Variants in LRBA observed in about 807,000 individuals in gnomAD.
The protein encoded by LRBA is lipopolysaccharide-responsive and beige-like anchor protein.
Under a neutral mutation model 330.0 loss-of-function variants are expected in LRBA, and 176 were observed. The observed-to-expected ratio is 0.53, with a 90% CI of 0.47 to 0.60. The LOEUF (loss-of-function observed/expected upper bound fraction) is 0.60. Ranked by LOEUF, LRBA falls within the 20% of genes least tolerant of loss-of-function variation. The pLI is 0.00. For missense variants in LRBA, 3,259 were observed against 3,444.8 expected (o/e 0.95, Z 1.35); for synonymous variants, 1,230 against 1,193.0 (o/e 1.03, Z -0.64).
intron 2 of LRBA, chr4:151,013,607 C>T (rs1745097204): frequency 6.6e-6 from 1 of 152,150 alleles, no homozygotes; most frequent in Admixed American, 6.5e-5. Flanking sequence ...ATGCCTATAG[C>T]CACAACTACT....
chr4:150,541,895 A>G (rs528327218), intron 40 of LRBA, among the ~76,000 whole-genome samples: 4 of 152,102 alleles, frequency 2.6e-5, no homozygotes, highest in African/African-American at 9.7e-5. Flanking sequence ...ATGTTGCCCA[A>G]CCTGGTCTTG....
chr4:150,617,469 C>T (rs1235692817), intron 37 of LRBA, among the ~76,000 whole-genome samples: 3 of 151,954 alleles, frequency 2.0e-5, no homozygotes, highest in African/African-American at 7.2e-5. Flanking sequence ...TGGTGAAACC[C>T]TGTCTCTACT....
chr4:150,534,729 G>A (rs1204443958), intron 40 of LRBA, among the ~76,000 whole-genome samples: 2 of 152,112 alleles, frequency 1.3e-5, no homozygotes, highest in Non-Finnish European at 2.9e-5. Flanking sequence ...TTTAGCATGT[G>A]AAAATTGGAA....
chr4:150,534,782 C>T (rs1764464908), intron 40 of LRBA, among the ~76,000 whole-genome samples: 1 of 152,062 alleles, frequency 6.6e-6, no homozygotes, highest in African/African-American at 2.4e-5. Flanking sequence ...ATTTTTGTTT[C>T]ACCCTCTAAA....
Position 150,828,161 on chromosome 4 carries a change from G to T in LRBA, c.5171+19C>A. The stretch of plus-strand genomic sequence containing the variant: ...GTCAGATGTAGAAACATACCAAAAC[G>T]AAAAACTATTATCAGTACCTGTCAA... On this transcript the variant is annotated intron_variant, in intron 30 of 56. Coordinates refer to ENST00000651943, the MANE Select transcript of LRBA (RefSeq NM_001364905.1). The T allele has an allele frequency of 6.2e-7, 1 of 1,607,220 alleles. No homozygotes were observed. Among genetic ancestry groups the T allele is most frequent in the South Asian group, 1.1e-5 (1 of 90,610 alleles).
intron 37 of LRBA, among the ~76,000 whole-genome samples, chr4:150,678,085 C>CA (rs1334778353): frequency 2.6e-5 from 4 of 151,498 alleles, no homozygotes; most frequent in Admixed American, 1.3e-4. Context: ...ACTAAAAATA[C>CA]AAAAAAATCA....
intron 7 of LRBA, among the ~76,000 whole-genome samples, chr4:150,916,060 TCTGA>T (rs1471007395): frequency 5.3e-5 from 8 of 152,184 alleles, no homozygotes; most frequent in African/African-American, 1.9e-4. Context: ...GCTTAATCTA[TCTGA>T]CTACCTATCT....
intron 47 of LRBA, among the ~76,000 whole-genome samples, chr4:150,350,518 C>T (rs1254328216): frequency 3.4e-5 from 5 of 149,076 alleles, no homozygotes; most frequent in Non-Finnish European, 7.4e-5. Flanking sequence ...TGCAGTGAAC[C>T]GAGATCACGC....
At position 150,506,853 on chromosome 4, in the gene LRBA, T is replaced by G. The variant is rs570377933; in HGVS notation, c.6331-15818A>C. Among the ~76,000 whole-genome samples, 550 of 152,346 alleles carry G rather than the reference T, an allele frequency of 3.6e-3. 3 individuals are homozygous for G. Among genetic ancestry groups the G allele is most frequent in the African/African-American group, 0.013 (529 of 41,592 alleles). On this transcript the variant is annotated intron_variant, in intron 40 of 56. Transcript: ENST00000651943. ...CCCATTGTCTCAGGCCAAAATCTCCTTAAGCTGATAAGCAACTTCAGCAAA... is the reference window on the plus strand; with the variant it reads ...CCCATTGTCTCAGGCCAAAATCTCCGTAAGCTGATAAGCAACTTCAGCAAA...
intron 34 of LRBA, among the ~76,000 whole-genome samples, chr4:150,795,335 A>G (rs1222310856): frequency 1.3e-5 from 2 of 152,110 alleles, no homozygotes; most frequent in Non-Finnish European, 2.9e-5. Context: ...GCACACAAGT[A>G]AGTTGCATGT....
chr4:150,935,167 C>A (rs1170429254), intron 2 of LRBA, among the ~76,000 whole-genome samples: 1 of 118,522 alleles, frequency 8.4e-6, no homozygotes, highest in African/African-American at 3.2e-5. Flanking sequence ...CAAAGCAAAA[C>A]TCCGTCTCAC....
At chr4:150,754,307 C>T (rs1363437697) in intron 35 of LRBA, among the ~76,000 whole-genome samples, 2 of 144,270 alleles carry the variant, frequency 1.4e-5, no homozygotes, top group Non-Finnish European at 2.9e-5. Flanking sequence ...AAATTCTAAT[C>T]TTCTTTGATA....
In LRBA at chr4:150,449,815, C is replaced by T. The variant is rs577435608; in HGVS notation, c.6781-12951G>A. Among the ~76,000 whole-genome samples, 10 of 152,230 alleles carry T rather than the reference C, an allele frequency of 6.6e-5. No individual in the cohort carries two copies. The East Asian group carries it at 1.9e-3, about 29-fold the overall frequency. On this transcript the variant is annotated intron_variant, in intron 44 of 56. Coordinates refer to ENST00000651943, the MANE Select transcript of LRBA (RefSeq NM_001364905.1). ...AATCTTATTCATATCCCAGCCTATA[C>T]TGTTCTCCTATCTCAGATAAAATAG...
chr4:150,791,569 C>G (rs1397280132), intron 34 of LRBA, among the ~76,000 whole-genome samples: 1 of 152,058 alleles, frequency 6.6e-6, no homozygotes, highest in Non-Finnish European at 1.5e-5. Context: ...TTGGGCAAGG[C>G]AGATATATTC....
intron 40 of LRBA, among the ~76,000 whole-genome samples, chr4:150,567,284 A>C (rs1769259816): frequency 6.6e-6 from 1 of 152,160 alleles, no homozygotes; most frequent in Non-Finnish European, 1.5e-5. Flanking sequence ...TCAGAGTAGG[A>C]TAACAAGATG....
chr4:150,485,340 T>A (rs547919204), intron 42 of LRBA, among the ~76,000 whole-genome samples: 15 of 152,138 alleles, frequency 9.9e-5, no homozygotes, highest in African/African-American at 3.4e-4. Context: ...TTTATCATTA[T>A]GATATGTCAC....
At chr4:150,303,862 C>A (rs959422793) in intron 52 of LRBA, among the ~76,000 whole-genome samples, 1 of 150,708 alleles carries the variant, frequency 6.6e-6, no homozygotes, top group Non-Finnish European at 1.5e-5. Flanking sequence ...CGTGAGCCAC[C>A]GTGCCCAGCA....
intron 48 of LRBA, among the ~76,000 whole-genome samples, chr4:150,343,751 T>C (rs2127023044): frequency 6.6e-6 from 1 of 152,162 alleles, no homozygotes; most frequent in South Asian, 2.1e-4. Context: ...CACACATCCC[T>C]CTCTGTTCAA....
upstream of LRBA, chr4:151,015,659 G>C (rs1447517135): frequency 6.6e-6 from 1 of 152,212 alleles, no homozygotes; most frequent in African/African-American, 2.4e-5. Context: ...AGCTCGCCCC[G>C]CCACGGGTCG....
Sources: gnomAD v4.1 joint callset for allele counts (sites outside exome capture counted in the v4.1 genomes callset) on GRCh38, gnomAD v4.1.1 for gene constraint, MANE v1.5 for transcripts, NCBI Gene and HGNC (gene_info 2026-07-23, HGNC 2026-07-21) for gene names.